Variants in AOAH observed in about 807,000 individuals in gnomAD.
The protein encoded by AOAH is acyloxyacyl hydrolase (neutrophil).
Under a neutral mutation model 92.2 loss-of-function variants are expected in AOAH, and 64 were observed. The ratio of observed to expected loss-of-function variants is 0.69; its 90% CI spans 0.57 to 0.86. AOAH has a LOEUF of 0.86. AOAH is among the 40% of genes least tolerant of loss of function. The pLI is 0.00. For missense variants in AOAH, 656 were observed against 694.6 expected, an observed-to-expected ratio of 0.94 and a Z score of 0.62; for synonymous variants, 263 against 254.5, an observed-to-expected ratio of 1.03 and a Z score of -0.32.
At chr7:36,678,606 C>CGT (rs1562688279) in intron 2 of AOAH, among the ~76,000 whole-genome samples, 2 of 104,494 alleles carry the variant, frequency 1.9e-5, no homozygotes, top group East Asian at 2.9e-4. Context: ...TGTGTGCGCG[C>CGT]GCGCGCGCGT....
Position 36,665,278 on chromosome 7 carries a change from G to C in AOAH, c.291-6013C>G, listed in dbSNP as rs75310010. 9.1e-3 allele frequency among the ~76,000 whole-genome samples: 1,378 copies of C among 152,210 alleles called. 12 individuals carry two copies. Among genetic ancestry groups the C allele is most frequent in the Middle Eastern group, 0.02 (6 of 294 alleles). On this transcript the variant is annotated intron_variant, in intron 3 of 20. Transcript: ENST00000617537. ...CATATTTTGTTAGATTTACACATAA[G>C]TATTTTATTTCTAGAGGTGATAATG...
chr7:36,514,943 C>T (rs1040783361), intron 20 of AOAH, among the ~76,000 whole-genome samples: 4 of 151,868 alleles, frequency 2.6e-5, no homozygotes, highest in Non-Finnish European at 2.9e-5. Flanking sequence ...CCAGTCACTG[C>T]ATAAAGTCCC....
chr7:36,602,898 C>A (rs1790713129), intron 11 of AOAH, among the ~76,000 whole-genome samples: 1 of 152,174 alleles, frequency 6.6e-6, no homozygotes, highest in Non-Finnish European at 1.5e-5. Flanking sequence ...ATGATGATCT[C>A]ATTTTCTTTC....
intron 16 of AOAH, 134 bp downstream of exon 16, chr7:36,540,185 C>T: frequency 1.2e-6 from 1 of 813,612 alleles, no homozygotes; most frequent in Non-Finnish European, 1.8e-6. Context: ...CCTAGGGGCT[C>T]TTGCCTTTAT....
chr7:36,700,678 C>A (rs186395680), intron 1 of AOAH, among the ~76,000 whole-genome samples: 424 of 152,076 alleles, frequency 2.8e-3, no homozygotes, highest in Middle Eastern at 0.017. Flanking sequence ...ACAATGATTT[C>A]TTTTCCTTTG....
At chr7:36,718,136 A>G (rs781754672) in intron 1 of AOAH, among the ~76,000 whole-genome samples, 2 of 152,182 alleles carry the variant, frequency 1.3e-5, no homozygotes, top group African/African-American at 4.8e-5. Context: ...CAATTTAAAG[A>G]GGGGCAAAAT....
intron 3 of AOAH, among the ~76,000 whole-genome samples, chr7:36,665,508 C>A (rs1206091869): frequency 6.7e-6 from 1 of 149,894 alleles, no homozygotes; most frequent in Non-Finnish European, 1.5e-5. Context: ...AGTTTTATTT[C>A]TTTCTTCTCA....
intron 4 of AOAH, among the ~76,000 whole-genome samples, chr7:36,655,859 AG>A (rs1794851785): frequency 6.6e-6 from 1 of 152,196 alleles, no homozygotes; most frequent in African/African-American, 2.4e-5. Context: ...AGAGACAGGC[AG>A]GCAGTCACAC....
chr7:36,682,707 G>T (rs1207748196), intron 2 of AOAH, among the ~76,000 whole-genome samples: 1 of 152,010 alleles, frequency 6.6e-6, no homozygotes, highest in Non-Finnish European at 1.5e-5. Context: ...GAATAAAGAA[G>T]TGAAGTCTAA....
chr7:36,651,441 G>A (rs900186666), intron 4 of AOAH, among the ~76,000 whole-genome samples: 4 of 152,124 alleles, frequency 2.6e-5, no homozygotes, highest in African/African-American at 7.2e-5. Flanking sequence ...ACTTATTAGG[G>A]TACCCGGCTG....
At chr7:36,582,044 G>A (rs181763725) in intron 12 of AOAH, among the ~76,000 whole-genome samples, 8 of 152,202 alleles carry the variant, frequency 5.3e-5, no homozygotes, top group African/African-American at 1.9e-4. Flanking sequence ...ATATATGCAG[G>A]GTCTTGAGCT....
chr7:36,655,228 C>T (rs577651831), intron 4 of AOAH, among the ~76,000 whole-genome samples: 7 of 152,326 alleles, frequency 4.6e-5, no homozygotes, highest in African/African-American at 1.4e-4. Context: ...ATACCTATTC[C>T]ATAAGATTAA....
At chr7:36,583,953 T>C (rs1317055150) in intron 12 of AOAH, among the ~76,000 whole-genome samples, 1 of 152,220 alleles carries the variant, frequency 6.6e-6, no homozygotes, top group Non-Finnish European at 1.5e-5. Context: ...ACTTGTGACA[T>C]AGCAGATGGT....
At chr7:36,649,184 C>A (rs1431513129) in intron 4 of AOAH, among the ~76,000 whole-genome samples, 1 of 152,136 alleles carries the variant, frequency 6.6e-6, no homozygotes, top group African/African-American at 2.4e-5. Flanking sequence ...CTGTGCTCTT[C>A]GACATCGTGT....
At chr7:36,660,505 T>C (rs959521142) in intron 3 of AOAH, among the ~76,000 whole-genome samples, 1 of 152,042 alleles carries the variant, frequency 6.6e-6, no homozygotes, top group African/African-American at 2.4e-5. Flanking sequence ...TTAGTAGAGA[T>C]AGGGTTTCAC....
chr7:36,598,655 G>A (rs12701515), intron 11 of AOAH, among the ~76,000 whole-genome samples: 3,654 of 152,224 alleles, frequency 0.024, 68 homozygotes, highest in Non-Finnish European at 0.034. Flanking sequence ...TTATTTGCCA[G>A]ATAATAGAAA....
intron 1 of AOAH, among the ~76,000 whole-genome samples, chr7:36,715,114 G>A (rs1307352386): frequency 1.3e-5 from 2 of 152,044 alleles, no homozygotes; most frequent in Admixed American, 6.6e-5. Context: ...TAAGCTGATA[G>A]GCAACTTCAG....
intron 11 of AOAH, among the ~76,000 whole-genome samples, chr7:36,612,582 G>A (rs1005154589): frequency 6.6e-6 from 1 of 152,298 alleles, no homozygotes; most frequent in East Asian, 1.9e-4. Context: ...AATTACAGAT[G>A]TGAAATTTGC....
chr7:36,672,568 A>G (rs181747088), intron 3 of AOAH, among the ~76,000 whole-genome samples: 3 of 152,342 alleles, frequency 2.0e-5, no homozygotes, highest in African/African-American at 7.2e-5. Flanking sequence ...GGAGTTGAAC[A>G]ATGCGAACAC....
Sources: gnomAD v4.1 joint callset for allele counts (sites outside exome capture counted in the v4.1 genomes callset) on GRCh38, gnomAD v4.1.1 for gene constraint, MANE v1.5 for transcripts, NCBI Gene and HGNC (gene_info 2026-07-23, HGNC 2026-07-21) for gene names.